Variants in RFFL observed in about 807,000 individuals in gnomAD.
RFFL encodes ring finger and FYVE like domain containing E3 ubiquitin protein ligase, also known as E3 ubiquitin-protein ligase rififylin.
RFFL carries 16 observed loss-of-function variants against 40.4 expected under a neutral mutation model. That is an observed-to-expected ratio of 0.40 (90% CI 0.27 to 0.60). The LOEUF (loss-of-function observed/expected upper bound fraction) is 0.60. Among genes scored for constraint, RFFL ranks in the 20% least tolerant of loss-of-function variants. RFFL has a pLI of 0.47. For synonymous variants in RFFL, 154 were observed against 167.9 expected (o/e 0.92, Z 0.64); for missense variants, 367 against 451.7 (o/e 0.81, Z 1.70).
At chr17:35,075,967 C>T (rs576899307) in intron 1 of RFFL, among the ~76,000 whole-genome samples, 16 of 146,972 alleles carry the variant, frequency 1.1e-4, no homozygotes, top group African/African-American at 3.8e-4. Context: ...GCACCCAATG[C>T]AAATTCTATC....
rs916696203 is a variant in RFFL, at chr17:35,078,777, C to T, written c.-9+10328G>A. ...GACAGATCGCTTTAGGTCAGGAGTT[C>T]GACACCAGCCTGGCCAACATGATGA... is the stretch of plus-strand genomic sequence containing the variant. On this transcript the variant is annotated intron_variant, in intron 1 of 6. Transcript: ENST00000315249. Among the ~76,000 whole-genome samples the T allele has an allele frequency of 6.6e-5, 10 of 151,944 alleles. No homozygotes were observed. The South Asian group carries it at 1.5e-3, about 22-fold the overall frequency.
At position 35,021,565 on chromosome 17, in the gene RFFL, C is replaced by T. The variant is rs777797950; in HGVS notation, c.397G>A (p.Val133Ile). Reference sequence around the variant, plus strand: ...GAGATTACAGGCTGCTGGCCAAGGACCAAGAGCACCAGCTCTTCTTTCTCC... The same window carrying T: ...GAGATTACAGGCTGCTGGCCAAGGATCAAGAGCACCAGCTCTTCTTTCTCC... ...CREKEELVLL[V>I]LGQQPVISQE... Residue 133 changes from valine (V) to isoleucine (I), a missense_variant, in exon 3 of 7, where the codon GTC becomes ATC. Physicochemically the swap from Val to Ile is conservative, Grantham distance 29. Transcript: ENST00000394597. 5 of 1,613,994 alleles carry T rather than the reference C, an allele frequency of 3.1e-6. No homozygotes were observed. In the Admixed American group the frequency reaches 5.0e-5, roughly 16 times the overall value.
chr17:35,061,461 T>G (rs1295120689), intron 1 of RFFL, among the ~76,000 whole-genome samples: 1 of 152,186 alleles, frequency 6.6e-6, no homozygotes, highest in African/African-American at 2.4e-5. Context: ...GCCCTTAGGC[T>G]GACTGATTGA....
intron 1 of RFFL, among the ~76,000 whole-genome samples, chr17:35,027,081 G>A (rs183074922): frequency 6.6e-6 from 1 of 152,104 alleles, no homozygotes; most frequent in South Asian, 2.1e-4. Context: ...AATATATAGA[G>A]AGCTAATATA....
Position 35,020,601 on chromosome 17 carries a change from CAG to C in RFFL, c.591+768_591+769del, listed in dbSNP as rs1376059601. Among the ~76,000 whole-genome samples the C allele has an allele frequency of 5.3e-5, 8 of 152,110 alleles. No individual in the cohort carries two copies. The South Asian group carries it at 8.3e-4, about 16-fold the overall frequency. ...GGTTAGGGGCCGCTGCTATAAATAA[CAG>C]AGTCACTTAAGGCACTTATGCAACA... is the stretch of plus-strand genomic sequence containing the variant. On this transcript the variant is annotated intron_variant, in intron 3 of 6. Transcript: ENST00000394597.
rs1567700371 is a variant in RFFL, at chr17:35,016,522, G to C, written c.734C>G (p.Thr245Ser). The C allele has an allele frequency of 6.2e-7, 1 of 1,614,178 alleles. No homozygotes were observed. The highest frequency in any genetic ancestry group is 8.5e-7 in the Non-Finnish European group (1 of 1,180,020). Residue 245 changes from threonine (T) to serine (S), a missense_variant, in exon 5 of 7, where the codon ACT becomes AGT. Coordinates refer to ENST00000394597, the MANE Select transcript of RFFL (RefSeq NM_001017368.2). ...PGRRASLSDL[T>S]DLEDIEGLTV... ...CAGGCCTTCAATGTCCTCCAGGTCA[G>C]TCAGGTCAGACAGAGAGGCCCTTCG...
At chr17:35,078,353 A>C (rs1234636416) in intron 1 of RFFL, among the ~76,000 whole-genome samples, 1 of 152,186 alleles carries the variant, frequency 6.6e-6, no homozygotes, top group African/African-American at 2.4e-5. Context: ...TCCACACTAG[A>C]GTACAGTTGT....
At chr17:35,076,720 A>ATAATAATAATAATAATAATAG (rs1555564975) in intron 1 of RFFL, 1 of 146,714 alleles carries the variant, frequency 6.8e-6, no homozygotes, top group Non-Finnish European at 1.5e-5. Context: ...AATAATAATA[A>ATAATAATAATAATAATAATAG]TAGTAACAGA....
intron 1 of RFFL, chr17:35,069,212 C>A: frequency 4.4e-6 from 2 of 456,430 alleles, no homozygotes; most frequent in South Asian, 1.6e-5. Flanking sequence ...GTCTCCCTGA[C>A]ACACATGCCC....
chr17:35,021,578 CTCT>C lies in RFFL; in HGVS notation c.381_383del (p.Glu128del). 3 of 1,614,216 alleles carry C rather than the reference CTCT, an allele frequency of 1.9e-6. No homozygotes were observed. Among genetic ancestry groups the C allele is most frequent in the East Asian group, 2.2e-5 (1 of 44,886 alleles). ...GCTGGCCAAGGACCAAGAGCACCAGCTCTTCTTTCTCCCGGCACATTTCGGTAG... is the reference window on the plus strand; with the variant it reads ...GCTGGCCAAGGACCAAGAGCACCAGCTCTTTCTCCCGGCACATTTCGGTAG... On this transcript the variant is annotated inframe_deletion, in exon 3 of 7. Coordinates refer to ENST00000394597, the MANE Select transcript of RFFL (RefSeq NM_001017368.2).
At position 35,012,127 on chromosome 17, in the gene RFFL, C is replaced by T. The variant is rs567337851; in HGVS notation, c.933G>A (p.Leu311=). Residue 311 remains leucine (L), a synonymous_variant, in exon 7 of 7, where the codon TTG becomes TTA. Coordinates refer to ENST00000394597, the MANE Select transcript of RFFL (RefSeq NM_001017368.2). ...TGCAGATCTTACACAGGTTCTCCTC[C>T]AAGCCTGATGGTACTGCTCCCCCTG... ...DQNGGAVPSG[L]EENLCKICMD... 1.2e-6 allele frequency: 2 copies of T among 1,614,092 alleles called. No individual in the cohort carries two copies. Among genetic ancestry groups the T allele is most frequent in the Non-Finnish European group, 1.7e-6 (2 of 1,179,986 alleles).
rs1326940176 is a variant in RFFL at position 35,016,514 on chromosome 17, C to T, written c.742G>A (p.Glu248Lys). ...RASLSDLTDL[E>K]DIEGLTVRQL... ...CGCACTGTCAGGCCTTCAATGTCCT[C>T]CAGGTCAGTCAGGTCAGACAGAGAG... The change falls in exon 5 of 7, where the codon GAG (glutamate) becomes AAG (lysine). Residue 248 changes from glutamate (E) to lysine (K), a missense_variant. Physicochemically the swap from Glu to Lys is moderately conservative, Grantham distance 56 (BLOSUM62 1). Coordinates refer to ENST00000394597, the MANE Select transcript of RFFL (RefSeq NM_001017368.2). The T allele has an allele frequency of 1.9e-6, 3 of 1,614,186 alleles. No homozygotes were observed. Among genetic ancestry groups the T allele is most frequent in the Non-Finnish European group, 2.5e-6 (3 of 1,180,020 alleles).
At chr17:35,080,103 T>G (rs2091396818) in intron 1 of RFFL, among the ~76,000 whole-genome samples, 1 of 152,140 alleles carries the variant, frequency 6.6e-6, no homozygotes, top group African/African-American at 2.4e-5. Flanking sequence ...GCTAAGGCCC[T>G]AGAAAACACT....
chr17:35,013,186 C>G (rs368558757), intron 6 of RFFL, among the ~76,000 whole-genome samples: 1 of 152,264 alleles, frequency 6.6e-6, no homozygotes, highest in South Asian at 2.1e-4. Flanking sequence ...CACAAAGCTG[C>G]TAAGTCGAGG....
chr17:35,021,042 T>C (rs2091005336), intron 3 of RFFL, among the ~76,000 whole-genome samples: 1 of 152,168 alleles, frequency 6.6e-6, no homozygotes. Context: ...GAAAGACAAA[T>C]TGGAACAGAA....
At chr17:35,059,220 T>C (rs1023088805) in intron 1 of RFFL, among the ~76,000 whole-genome samples, 1 of 151,992 alleles carries the variant, frequency 6.6e-6, no homozygotes, top group African/African-American at 2.4e-5. Context: ...GGTTTCACCA[T>C]GTTGGTCAGG....
intron 6 of RFFL, among the ~76,000 whole-genome samples, chr17:35,012,452 A>G (rs2090946883): frequency 6.6e-6 from 1 of 152,250 alleles, no homozygotes; most frequent in East Asian, 1.9e-4. Flanking sequence ...CAAAGCTTAA[A>G]AGAAATAATT....
chr17:35,021,231 G>T (rs1053289721), intron 3 of RFFL, 140 bp downstream of exon 3: 80 of 819,974 alleles, frequency 9.8e-5, no homozygotes, highest in Middle Eastern at 7.5e-4. Flanking sequence ...AAAACACTTG[G>T]TGCACCAGTA....
intron 5 of RFFL, among the ~76,000 whole-genome samples, chr17:35,015,846 CCA>C (rs566886054): frequency 4.3e-4 from 65 of 152,304 alleles, no homozygotes; most frequent in African/African-American, 1.5e-3. Context: ...ACTCATTTAA[CCA>C]CAGACCCAGA....
Sources: gnomAD v4.1 joint callset for allele counts (sites outside exome capture counted in the v4.1 genomes callset) on GRCh38, gnomAD v4.1.1 for gene constraint, MANE v1.5 for transcripts, NCBI Gene and HGNC (gene_info 2026-07-23, HGNC 2026-07-21) for gene names.